Variants in ELAVL1 observed in about 807,000 individuals in gnomAD.
The protein encoded by ELAVL1 is ELAV-like protein 1.
ELAVL1 carries 1 observed loss-of-function variant against 28.4 expected under a neutral mutation model. The ratio of observed to expected loss-of-function variants is 0.04; its 90% CI spans 0.01 to 0.17. The LOEUF (loss-of-function observed/expected upper bound fraction) is 0.17. Among genes scored for constraint, ELAVL1 ranks in the 10% least tolerant of loss-of-function variants. The pLI is 1.00. For synonymous variants in ELAVL1, 174 were observed against 183.5 expected (o/e 0.95, Z 0.42); for missense variants, 157 against 447.2 (o/e 0.35, Z 5.85).
intron 5 of ELAVL1, among the ~76,000 whole-genome samples, chr19:7,965,090 G>A (rs996730209): frequency 6.6e-5 from 10 of 152,174 alleles, no homozygotes; most frequent in South Asian, 6.2e-4. Flanking sequence ...CTAGCCCAAC[G>A]GTGATTTTCT....
chr19:7,986,417 T>G (rs58205324), intron 2 of ELAVL1, among the ~76,000 whole-genome samples: 5,561 of 152,266 alleles, frequency 0.037, 306 homozygotes, highest in African/African-American at 0.12. Flanking sequence ...AAACAACCAC[T>G]AAATAGAAAC....
intron 3 of ELAVL1, among the ~76,000 whole-genome samples, chr19:7,976,645 G>C (rs747107086): frequency 6.6e-6 from 1 of 151,996 alleles, no homozygotes; most frequent in African/African-American, 2.4e-5. Context: ...CCTTGGTCTC[G>C]GGCTTCCAGC....
In ELAVL1 at chr19:7,982,176, G is replaced by C. The variant is rs1038330654; in HGVS notation, c.173-990C>G. ...CAGGACCAGAGGGGACAGCCTCTGG[G>C]GTCAGGGTTCAGAAGGAGCTTCACA... On this transcript the variant is annotated intron_variant, in intron 2 of 5. Coordinates refer to ENST00000407627, the MANE Select transcript of ELAVL1 (RefSeq NM_001419.3). This position sits in a 1 kb window ranked among gnomAD's most constrained non-coding sequence, Gnocchi z 4.3. Among the ~76,000 whole-genome samples, 14 of 152,200 alleles carry C rather than the reference G, an allele frequency of 9.2e-5. No individual in the cohort carries two copies. Among genetic ancestry groups the C allele is most frequent in the African/African-American group, 3.1e-4 (13 of 41,440 alleles).
chr19:7,999,705 C>T (rs1293597815), intron 1 of ELAVL1, among the ~76,000 whole-genome samples: 5 of 152,152 alleles, frequency 3.3e-5, no homozygotes, highest in Admixed American at 6.5e-5. Flanking sequence ...ACCTAAGCCT[C>T]CCAAGTACCT....
intron 2 of ELAVL1, among the ~76,000 whole-genome samples, chr19:7,984,895 C>T (rs1961842742): frequency 6.6e-6 from 1 of 152,192 alleles, no homozygotes; most frequent in Admixed American, 6.5e-5. Context: ...CAGGCGACAC[C>T]CCCAACCAAT....
In ELAVL1 at chr19:7,981,016, G is replaced by T; in HGVS notation, c.276+67C>A. ...TCCCTTGGAGAGTGACTGTGAGGCT[G>T]GGCGGGGCTCAGCACAGACCTGTGC... On this transcript the variant is annotated intron_variant, in intron 3 of 5. Transcript: ENST00000407627. This position sits in a 1 kb window ranked among gnomAD's most constrained non-coding sequence, Gnocchi z 4.2. 1.3e-6 allele frequency: 2 copies of T among 1,505,656 alleles called. No homozygotes were observed. Among genetic ancestry groups the T allele is most frequent in the Non-Finnish European group, 1.8e-6 (2 of 1,083,250 alleles). The allele number at this position is 1,505,656 out of a possible 1,614,324, so 93.3% of individuals were successfully genotyped here.
intron 2 of ELAVL1, among the ~76,000 whole-genome samples, chr19:7,987,124 G>A (rs1266580328): frequency 1.4e-5 from 2 of 148,134 alleles, no homozygotes; most frequent in Non-Finnish European, 3.0e-5. Context: ...GCCGGGGGGG[G>A]GGGAGGGTGC....
rs570298700 is a variant in ELAVL1 at position 7,979,566 on chromosome 19, T to C, written c.276+1517A>G. ...CTAAATAGGGGAGAGAATTCCTAGATGGGGAGTCCAGGGCCAAGGATAAGC... is the reference window on the plus strand; with the variant it reads ...CTAAATAGGGGAGAGAATTCCTAGACGGGGAGTCCAGGGCCAAGGATAAGC... On this transcript the variant is annotated intron_variant, in intron 3 of 5. Coordinates refer to ENST00000407627, the MANE Select transcript of ELAVL1 (RefSeq NM_001419.3). The surrounding 1 kb of genome is among the most constrained non-coding windows in gnomAD (Gnocchi z 5.4). 3.9e-5 allele frequency among the ~76,000 whole-genome samples: 6 copies of C among 152,280 alleles called. No individual in the cohort carries two copies. The East Asian group carries it at 1.2e-3, about 29-fold the overall frequency.
At chr19:7,965,444 T>C (rs1799599792) in intron 5 of ELAVL1, among the ~76,000 whole-genome samples, 1 of 152,036 alleles carries the variant, frequency 6.6e-6, no homozygotes, top group Non-Finnish European at 1.5e-5. Flanking sequence ...GTCATAAATC[T>C]TCTCCTCTCT....
intron 3 of ELAVL1, 128 bp downstream of exon 3, chr19:7,980,955 C>G: frequency 1.1e-6 from 1 of 889,136 alleles, no homozygotes; most frequent in East Asian, 2.6e-5. Context: ...ACCAGGGTAT[C>G]TGATGGGAGC....
chr19:7,978,633 C>T (rs2091104408), intron 3 of ELAVL1, among the ~76,000 whole-genome samples: 1 of 152,150 alleles, frequency 6.6e-6, no homozygotes, highest in African/African-American at 2.4e-5. Context: ...CCTTTATAAA[C>T]AAACTGTCAT....
intron 1 of ELAVL1, among the ~76,000 whole-genome samples, chr19:7,994,661 G>A (rs754557973): frequency 8.5e-5 from 13 of 152,210 alleles, no homozygotes; most frequent in Non-Finnish European, 1.9e-4. Context: ...AAGATCACCT[G>A]CTACTGATCT....
intron 5 of ELAVL1, among the ~76,000 whole-genome samples, chr19:7,964,093 G>C (rs968859657): frequency 1.3e-5 from 2 of 152,124 alleles, no homozygotes; most frequent in South Asian, 4.1e-4. Context: ...GGGTTCCTGC[G>C]GTTCCCCACA....
chr19:7,974,208 T>A (rs1306663649), intron 3 of ELAVL1, among the ~76,000 whole-genome samples: 2 of 147,308 alleles, frequency 1.4e-5, no homozygotes, highest in Non-Finnish European at 3.1e-5. Flanking sequence ...AGTGAGCCGG[T>A]GCCAGAGAGG....
chr19:7,990,523 C>T (rs937823538), intron 2 of ELAVL1, among the ~76,000 whole-genome samples: 2 of 151,244 alleles, frequency 1.3e-5, no homozygotes, highest in African/African-American at 4.9e-5. Flanking sequence ...CGGGCCACCA[C>T]GCCCAGCTAA....
intron 2 of ELAVL1, among the ~76,000 whole-genome samples, chr19:7,989,630 G>C (rs888842329): frequency 6.6e-6 from 1 of 152,228 alleles, no homozygotes; most frequent in Non-Finnish European, 1.5e-5. Flanking sequence ...CCACCAGAAA[G>C]AGGAAAAAGG....
At chr19:7,977,675 C>T (rs1427584086) in intron 3 of ELAVL1, among the ~76,000 whole-genome samples, 1 of 152,246 alleles carries the variant, frequency 6.6e-6, no homozygotes, top group Non-Finnish European at 1.5e-5. Flanking sequence ...CAGGACTCCT[C>T]CTTCTCCACT....
Position 7,982,363 on chromosome 19 carries a change from G to C in ELAVL1, c.173-1177C>G, listed in dbSNP as rs1985487723. 6.6e-6 allele frequency among the ~76,000 whole-genome samples: 1 copy of C among 152,142 alleles called. No individual in the cohort carries two copies. The highest frequency in any genetic ancestry group is 6.5e-5 in the Admixed American group (1 of 15,272). ...CTGCTCCATTCCCCCAGCCGGCAGAGCGCGACAACGAGCAGGTCACCGAAC... is the reference window on the plus strand; with the variant it reads ...CTGCTCCATTCCCCCAGCCGGCAGACCGCGACAACGAGCAGGTCACCGAAC... On this transcript the variant is annotated intron_variant, in intron 2 of 5. Coordinates refer to ENST00000407627, the MANE Select transcript of ELAVL1 (RefSeq NM_001419.3). The surrounding 1 kb of genome is among the most constrained non-coding windows in gnomAD (Gnocchi z 4.3).
chr19:7,974,206 G>A lies in ELAVL1; in HGVS notation c.277-328C>T, dbSNP rs542198414. On this transcript the variant is annotated intron_variant, in intron 3 of 5. Transcript: ENST00000407627. ...TCTCTGATGTGCTGGACAGTGAGCCGGTGCCAGAGAGGTCCTGGTGCCTGA... is the reference window on the plus strand; with the variant it reads ...TCTCTGATGTGCTGGACAGTGAGCCAGTGCCAGAGAGGTCCTGGTGCCTGA... Among the ~76,000 whole-genome samples the A allele has an allele frequency of 1.8e-3, 261 of 147,380 alleles. 1 individual carries two copies. Among genetic ancestry groups the A allele is most frequent in the African/African-American group, 6.1e-3 (250 of 41,142 alleles).
Sources: allele counts gnomAD v4.1 joint callset (sites outside exome capture counted in the v4.1 genomes callset), GRCh38; gene constraint gnomAD v4.1.1; non-coding constraint Gnocchi (gnomAD v3.1); transcripts MANE v1.5; gene names NCBI Gene and HGNC (gene_info 2026-07-23, HGNC 2026-07-21).